The following TRIT1 variants were observed in gnomAD, a reference collection of about 807,000 sequenced individuals.
TRIT1 encodes tRNA isopentenyltransferase 1, also known as tRNA dimethylallyltransferase.
Under a neutral mutation model 51.2 loss-of-function variants are expected in TRIT1, and 43 were observed. The observed-to-expected ratio is 0.84, with a 90% CI of 0.66 to 1.08. The LOEUF (loss-of-function observed/expected upper bound fraction) is 1.08, where lower values mean the gene tolerates loss of function less well. TRIT1 is among the 50% of genes least tolerant of loss of function. The pLI is 0.00. For synonymous variants in TRIT1, 184 were observed against 203.9 expected, an observed-to-expected ratio of 0.90 and a Z score of 0.83; for missense variants, 528 against 578.4, an observed-to-expected ratio of 0.91 and a Z score of 0.89.
At chr1:39,861,112 T>C (rs1363860003) in intron 1 of TRIT1, among the ~76,000 whole-genome samples, 1 of 152,156 alleles carries the variant, frequency 6.6e-6, no homozygotes, top group Admixed American at 6.5e-5. Flanking sequence ...CTCATTATAA[T>C]GGCTATTAGA....
At position 39,839,722 on chromosome 1, in the gene TRIT1, T is replaced by A. The variant is rs1652492690; in HGVS notation, c.*2022A>T. Among the ~76,000 whole-genome samples, 1 of 152,206 alleles carries A rather than the reference T, an allele frequency of 6.6e-6. No homozygotes were observed. Among genetic ancestry groups the A allele is most frequent in the Non-Finnish European group, 1.5e-5 (1 of 68,038 alleles). On this transcript the variant is annotated 3_prime_UTR_variant, in exon 11 of 11. Coordinates refer to ENST00000316891, the MANE Select transcript of TRIT1 (RefSeq NM_017646.6). ...CACTTAGTAAGTGCTTCATAAATATTAGACACTTTTTTTTTGGTAAAAAAG... is the reference window on the plus strand; with the variant it reads ...CACTTAGTAAGTGCTTCATAAATATAAGACACTTTTTTTTTGGTAAAAAAG...
chr1:39,865,095 T>C (rs1463400042), intron 1 of TRIT1, among the ~76,000 whole-genome samples: 3 of 152,244 alleles, frequency 2.0e-5, no homozygotes, highest in African/African-American at 7.2e-5. Flanking sequence ...AGATCATTAA[T>C]GAACACTGAC....
At chr1:39,874,156 C>T (rs964120659) in intron 1 of TRIT1, among the ~76,000 whole-genome samples, 4 of 152,092 alleles carry the variant, frequency 2.6e-5, no homozygotes, top group Non-Finnish European at 4.4e-5. Context: ...ACAGTAAGAC[C>T]GTGTCTCAAT....
intron 5 of TRIT1, among the ~76,000 whole-genome samples, 198 bp from the exon 6 acceptor site, chr1:39,848,295 A>G (rs1008158751): frequency 6.6e-6 from 1 of 152,210 alleles, no homozygotes; most frequent in Non-Finnish European, 1.5e-5. Context: ...AATGAAGCAT[A>G]GTCAGAATGA....
chr1:39,877,328 T>TAAAAAA (rs57539376), intron 1 of TRIT1, among the ~76,000 whole-genome samples: 4 of 113,082 alleles, frequency 3.5e-5, no homozygotes, highest in African/African-American at 9.8e-5. Context: ...GTGCTTCTAT[T>TAAAAAA]AAAAAAAAAA....
In TRIT1 at chr1:39,848,003, C is replaced by G. The variant is rs1642335111; in HGVS notation, c.798G>C (p.Lys266Asn). 2 of 1,613,970 alleles carry G rather than the reference C, an allele frequency of 1.2e-6. No individual in the cohort carries two copies. The highest frequency in any genetic ancestry group is 2.7e-5 in the African/African-American group (2 of 74,916). ...ATCCTCACCTATTTTCCGAAACATT[C>G]TTCTGATTATAGCGTCTGTGAAAAT... ...LRDFHRRYNQ[K>N]NVSENSQDYQ... The change falls in exon 6 of 11, where the codon AAG (lysine) becomes AAC (asparagine). Residue 266 changes from lysine to asparagine, a missense_variant. This residue lies in a region of TRIT1 where 468 missense variants were observed against 522.6 expected (regional missense o/e 0.90). Coordinates refer to ENST00000316891, the MANE Select transcript of TRIT1 (RefSeq NM_017646.6).
rs77152959 is a variant in TRIT1, at chr1:39,846,938, A to G, written c.1006+282T>C. ...AAGCTAAAAATCAGCCCTGAACACC[A>G]ACTCTCCAAAAAAGATGCTGCTGTT... On this transcript the variant is annotated intron_variant, in intron 8 of 10. Coordinates refer to ENST00000316891, the MANE Select transcript of TRIT1 (RefSeq NM_017646.6). 2.0e-5 allele frequency: 6 copies of G among 301,106 alleles called. No individual in the cohort carries two copies. In the East Asian group the frequency reaches 2.9e-4, roughly 14 times the overall value. The allele number at this position is 301,106 out of a possible 1,614,324, so 18.7% of individuals were successfully genotyped here.
At chr1:39,858,696 T>G (rs1298746314) in intron 1 of TRIT1, among the ~76,000 whole-genome samples, 1 of 152,090 alleles carries the variant, frequency 6.6e-6, no homozygotes, top group Non-Finnish European at 1.5e-5. Context: ...TAAGCTATCT[T>G]CAATGAAATA....
intron 10 of TRIT1, 40 bp from the exon 11 acceptor site, chr1:39,841,953 A>G (rs1162405018): frequency 3.8e-6 from 6 of 1,571,660 alleles, no homozygotes; most frequent in Non-Finnish European, 5.2e-6. Context: ...AAAAAAACTC[A>G]TTAGGAATTT....
chr1:39,857,195 A>C (rs573269341), intron 2 of TRIT1, 82 bp downstream of exon 2: 1 of 1,487,960 alleles, frequency 6.7e-7, no homozygotes, highest in Admixed American at 2.3e-5. Flanking sequence ...CTGAGAAGAA[A>C]TTGCCACTAG....
rs910850704 is a variant in TRIT1 at position 39,838,650 on chromosome 1, A to G, written c.*3094T>C. On this transcript the variant is annotated 3_prime_UTR_variant, in exon 11 of 11. Transcript: ENST00000316891. ...CCATACCCGGCATGCATACATATAT[A>G]TATATGTAAGTATGTATGTATGTAT... Among the ~76,000 whole-genome samples the G allele has an allele frequency of 2.0e-5, 3 of 151,482 alleles. No individual in the cohort carries two copies. Among genetic ancestry groups the G allele is most frequent in the Non-Finnish European group, 4.4e-5 (3 of 68,016 alleles).
chr1:39,881,039 G>A (rs922896009), intron 1 of TRIT1, among the ~76,000 whole-genome samples: 5 of 151,836 alleles, frequency 3.3e-5, no homozygotes, highest in South Asian at 2.1e-4. Context: ...CCAACATGGC[G>A]AAACTCCGTC....
chr1:39,852,621 A>C (rs1019783068), intron 4 of TRIT1, 110 bp downstream of exon 4: 24 of 1,354,834 alleles, frequency 1.8e-5, no homozygotes, highest in African/African-American at 2.9e-5. Flanking sequence ...CAACACATCA[A>C]TCTCCACTAA....
chr1:39,847,173 T>G, intron 8 of TRIT1, 47 bp downstream of exon 8: 2 of 1,494,722 alleles, frequency 1.3e-6, no homozygotes, highest in East Asian at 4.5e-5. Flanking sequence ...GACATCTATA[T>G]TCTATTGAAA....
chr1:39,869,003 T>G (rs1643711515), intron 1 of TRIT1, among the ~76,000 whole-genome samples: 3 of 152,094 alleles, frequency 2.0e-5, no homozygotes, highest in Admixed American at 2.0e-4. Flanking sequence ...GAGGTTGCAG[T>G]GAGCCGAGAT....
chr1:39,851,713 C>G (rs924810106), intron 4 of TRIT1, among the ~76,000 whole-genome samples: 1 of 152,036 alleles, frequency 6.6e-6, no homozygotes, highest in African/African-American at 2.4e-5. Flanking sequence ...TAGGCTGAGG[C>G]AGGAGGATCG....
chr1:39,856,990 G>T (rs1486637090), intron 2 of TRIT1, among the ~76,000 whole-genome samples: 2 of 152,150 alleles, frequency 1.3e-5, no homozygotes, highest in Non-Finnish European at 2.9e-5. Flanking sequence ...AATCACTGGG[G>T]ACTCCCGTTA....
At chr1:39,865,713 G>A (rs1421840323) in intron 1 of TRIT1, among the ~76,000 whole-genome samples, 3 of 150,706 alleles carry the variant, frequency 2.0e-5, no homozygotes, top group Non-Finnish European at 4.4e-5. Context: ...AGTCAGGCAT[G>A]GTGGTGTGCA....
At chr1:39,855,869 A>G (rs979869166) in intron 2 of TRIT1, among the ~76,000 whole-genome samples, 1 of 152,126 alleles carries the variant, frequency 6.6e-6, no homozygotes, top group Non-Finnish European at 1.5e-5. Context: ...TAGTACCTTC[A>G]CCTGTCGAAT....
Sources: allele counts gnomAD v4.1 joint callset (sites outside exome capture counted in the v4.1 genomes callset), GRCh38; gene constraint gnomAD v4.1.1; regional missense constraint gnomAD v4.1.1; transcripts MANE v1.5; gene names NCBI Gene and HGNC (gene_info 2026-07-23, HGNC 2026-07-21).